The following NRG2 variants were observed in gnomAD, a reference collection of about 807,000 sequenced individuals.
NRG2 encodes neuregulin 2.
In NRG2, 27 loss-of-function variants were observed where a neutral mutation model predicts 73.9. That is an observed-to-expected ratio of 0.37 (90% CI 0.27 to 0.50). The LOEUF (loss-of-function observed/expected upper bound fraction) is 0.50. NRG2 is among the 20% of genes least tolerant of loss of function. The pLI is 0.96. For missense variants in NRG2, 1,126 were observed against 1,210.1 expected, an observed-to-expected ratio of 0.93 and a Z score of 1.03; for synonymous variants, 532 against 541.0, an observed-to-expected ratio of 0.98 and a Z score of 0.23.
At chr5:139,948,224 C>T (rs1207778955) in intron 1 of NRG2, among the ~76,000 whole-genome samples, 1 of 151,468 alleles carries the variant, frequency 6.6e-6, no homozygotes, top group Admixed American at 6.6e-5. Flanking sequence ...TGAACTATAC[C>T]AAAAGAGGCA....
chr5:139,971,206 C>T (rs1346306264), intron 1 of NRG2, among the ~76,000 whole-genome samples: 6 of 152,104 alleles, frequency 3.9e-5, no homozygotes, highest in Non-Finnish European at 7.4e-5. Flanking sequence ...CCTGAGAGCC[C>T]CCAGGGTTGG....
At chr5:139,948,746 T>A (rs991508994) in intron 1 of NRG2, among the ~76,000 whole-genome samples, 4 of 152,180 alleles carry the variant, frequency 2.6e-5, no homozygotes, top group Admixed American at 2.0e-4. Flanking sequence ...AAAATAGAAG[T>A]GACTGGAGTT....
rs138797395 is a variant in NRG2 at position 139,933,270 on chromosome 5, G to A, written c.701-45759C>T. 3.1e-3 allele frequency among the ~76,000 whole-genome samples: 465 copies of A among 151,112 alleles called. 2 individuals are homozygous for A. The highest frequency in any genetic ancestry group is 0.011 in the African/African-American group (437 of 41,240). ...AGCCTGGCTGACAGAGTGAGACTCC[G>A]TCTCAAAAAAAAAAAGCAAGAACAA... On this transcript the variant is annotated intron_variant, in intron 1 of 9. Transcript: ENST00000361474.
intron 1 of NRG2, among the ~76,000 whole-genome samples, chr5:140,038,825 C>G (rs966851127): frequency 2.0e-5 from 3 of 152,224 alleles, no homozygotes; most frequent in African/African-American, 7.2e-5. Context: ...AAATCTACAA[C>G]CATGCCTTGT....
At chr5:139,968,191 G>A (rs924187607) in intron 1 of NRG2, among the ~76,000 whole-genome samples, 1 of 152,046 alleles carries the variant, frequency 6.6e-6, no homozygotes, top group Non-Finnish European at 1.5e-5. Flanking sequence ...AAATACCGAG[G>A]CTGGGCCCAG....
intron 5 of NRG2, among the ~76,000 whole-genome samples, chr5:139,862,418 C>T (rs992788198): frequency 1.3e-5 from 2 of 152,210 alleles, no homozygotes; most frequent in South Asian, 2.1e-4. Flanking sequence ...AAGACCTTCC[C>T]ACTCATTATG....
intron 1 of NRG2, among the ~76,000 whole-genome samples, chr5:139,931,664 A>G (rs1316011724): frequency 6.6e-6 from 1 of 152,260 alleles, no homozygotes; most frequent in Non-Finnish European, 1.5e-5. Context: ...CCATCAAGAA[A>G]CAAACAAGTA....
chr5:139,923,873 CT>C lies in NRG2; in HGVS notation c.701-36363del, dbSNP rs1167960377. On this transcript the variant is annotated intron_variant, in intron 1 of 9. Coordinates refer to ENST00000361474, the MANE Select transcript of NRG2 (RefSeq NM_004883.3). Reference sequence around the variant, plus strand: ...AGCAACTCAGCCAGCTATATGAGCACTACCCAAACAATACCAGGTGGGTTGA... The same window carrying C: ...AGCAACTCAGCCAGCTATATGAGCACACCCAAACAATACCAGGTGGGTTGA... Among the ~76,000 whole-genome samples the C allele has an allele frequency of 6.6e-5, 10 of 152,310 alleles. 1 individual carries two copies. Among genetic ancestry groups the C allele is most frequent in the African/African-American group, 2.4e-4 (10 of 41,552 alleles).
chr5:139,959,586 G>A (rs1269184802), intron 1 of NRG2, among the ~76,000 whole-genome samples: 2 of 152,178 alleles, frequency 1.3e-5, no homozygotes, highest in African/African-American at 4.8e-5. Context: ...ACGTTGGTCA[G>A]GCTGGTCTCG....
chr5:139,954,223 C>T lies in NRG2; in HGVS notation c.701-66712G>A, dbSNP rs888577161. On this transcript the variant is annotated intron_variant, in intron 1 of 9. Transcript: ENST00000361474. This position sits in a 1 kb window ranked among gnomAD's most constrained non-coding sequence, Gnocchi z 5.0. ...CCGTGGAGGAGAAATCCAGCCCAAC[C>T]CAGGTCACGGTCACAGCCCTGAGCA... Among the ~76,000 whole-genome samples the T allele has an allele frequency of 6.6e-6, 1 of 152,144 alleles. No homozygotes were observed. Among genetic ancestry groups the T allele is most frequent in the Non-Finnish European group, 1.5e-5 (1 of 68,020 alleles).
chr5:139,846,845 G>C lies in NRG2; in HGVS notation c.*1072C>G, dbSNP rs551844595. The C allele has an allele frequency of 6.6e-5, 10 of 151,540 alleles. No individual in the cohort carries two copies. In the South Asian group the frequency reaches 2.1e-3, roughly 32 times the overall value. The allele number at this position is 151,540 out of a possible 1,614,324, so 9.4% of individuals were successfully genotyped here. A position where few individuals can be genotyped will look rare whatever the true frequency, so the allele number is the denominator to read the frequency against. On this transcript the variant is annotated 3_prime_UTR_variant, in exon 10 of 10. Coordinates refer to ENST00000361474, the MANE Select transcript of NRG2 (RefSeq NM_004883.3). ...TCAAGTGTCAACAGTCAGGTGTTCA[G>C]ACATTTCAGGACAGGATTCCCATCT...
chr5:139,960,280 C>T (rs965440875), intron 1 of NRG2, among the ~76,000 whole-genome samples: 1 of 152,086 alleles, frequency 6.6e-6, no homozygotes. Context: ...TTTGGGAGGT[C>T]GAGGCGGGCA....
intron 1 of NRG2, among the ~76,000 whole-genome samples, chr5:139,932,902 A>T (rs926172895): frequency 2.6e-5 from 4 of 152,264 alleles, no homozygotes; most frequent in South Asian, 4.1e-4. Context: ...TAAAAATTTT[A>T]AAAAATCATA....
chr5:139,999,540 G>A (rs1758275389), intron 1 of NRG2, among the ~76,000 whole-genome samples: 2 of 152,218 alleles, frequency 1.3e-5, no homozygotes, highest in Admixed American at 1.3e-4. Flanking sequence ...CTCATGGAAT[G>A]AGAGAAGGGA....
At position 139,877,064 on chromosome 5, in the gene NRG2, T is replaced by C. The variant is rs142926997; in HGVS notation, c.991+3792A>G. Among the ~76,000 whole-genome samples, 6 of 152,156 alleles carry C rather than the reference T, an allele frequency of 3.9e-5. No homozygotes were observed. The East Asian group carries it at 1.2e-3, about 30-fold the overall frequency. ...TGACACCCCAGGTCAAACCTGCCTG[T>C]CCTCTGGGGCAAAGCCTGACATCAG... is the stretch of plus-strand genomic sequence containing the variant. On this transcript the variant is annotated intron_variant, in intron 3 of 9. Transcript: ENST00000361474.
At chr5:139,903,493 C>A (rs1765017614) in intron 1 of NRG2, among the ~76,000 whole-genome samples, 1 of 152,162 alleles carries the variant, frequency 6.6e-6, no homozygotes, top group South Asian at 2.1e-4. Flanking sequence ...CCCAATTGGG[C>A]CCCAGTGCAA....
At chr5:140,009,370 C>G (rs35463850) in intron 1 of NRG2, among the ~76,000 whole-genome samples, 14,365 of 152,182 alleles carry the variant, frequency 0.094, 1,137 homozygotes, top group East Asian at 0.46. Flanking sequence ...CCTTTATACT[C>G]TATGTTACCC....
chr5:139,937,768 G>C, intron 1 of NRG2, among the ~76,000 whole-genome samples: 1 of 152,060 alleles, frequency 6.6e-6, no homozygotes, highest in East Asian at 1.9e-4. Context: ...AAAAAATCTA[G>C]AGAAAAAATT....
chr5:139,958,331 G>A (rs1429800022), intron 1 of NRG2, among the ~76,000 whole-genome samples: 1 of 151,994 alleles, frequency 6.6e-6, no homozygotes, highest in Non-Finnish European at 1.5e-5. Flanking sequence ...CAGCAAACAG[G>A]AAAAAATGGC....
Sources: allele counts gnomAD v4.1 joint callset (sites outside exome capture counted in the v4.1 genomes callset), GRCh38; gene constraint gnomAD v4.1.1; non-coding constraint Gnocchi (gnomAD v3.1); transcripts MANE v1.5; gene names NCBI Gene and HGNC (gene_info 2026-07-23, HGNC 2026-07-21).